The following MDGA2 variants were observed in gnomAD, a reference collection of about 807,000 sequenced individuals.
The protein encoded by MDGA2 is MAM domain containing glycosylphosphatidylinositol anchor 2.
In MDGA2, 40 loss-of-function variants were observed where a neutral mutation model predicts 117.8. That is an observed-to-expected ratio of 0.34 (90% CI 0.26 to 0.44). The LOEUF (loss-of-function observed/expected upper bound fraction) is 0.44. Ranked by LOEUF, MDGA2 falls within the 20% of genes least tolerant of loss-of-function variation. The probability of loss-of-function intolerance (pLI) is 1.00; values close to 1 mark genes in which losing one functional copy is unlikely to be tolerated. For missense variants in MDGA2, 1,123 were observed against 1,250.6 expected, an observed-to-expected ratio of 0.90 and a Z score of 1.54; for synonymous variants, 452 against 439.0, an observed-to-expected ratio of 1.03 and a Z score of -0.37.
intron 8 of MDGA2, among the ~76,000 whole-genome samples, chr14:46,962,490 C>A (rs1425474329): frequency 6.6e-6 from 1 of 152,192 alleles, no homozygotes; most frequent in East Asian, 1.9e-4. Flanking sequence ...AAGATGCCAT[C>A]AGAATTGAAG....
intron 2 of MDGA2, among the ~76,000 whole-genome samples, chr14:47,273,874 C>A (rs114297603): frequency 6.6e-6 from 1 of 151,906 alleles, no homozygotes; most frequent in South Asian, 2.1e-4. Context: ...AATTTGTCTC[C>A]GATCATGAGG....
At chr14:47,034,508 A>C (rs1185339899) in intron 8 of MDGA2, among the ~76,000 whole-genome samples, 1 of 152,156 alleles carries the variant, frequency 6.6e-6, no homozygotes, top group East Asian at 1.9e-4. Context: ...GTATGCAAAT[A>C]TAACATTTCA....
chr14:47,638,091 C>G (rs17118997), intron 1 of MDGA2, among the ~76,000 whole-genome samples: 24,154 of 152,086 alleles, frequency 0.16, 2,004 homozygotes, highest in East Asian at 0.25. Context: ...TTAGATGAGG[C>G]CCCTGACATC....
intron 3 of MDGA2, among the ~76,000 whole-genome samples, chr14:47,155,665 T>C (rs1196040769): frequency 2.8e-5 from 4 of 143,828 alleles, no homozygotes; most frequent in Admixed American, 1.4e-4. Flanking sequence ...CACCGTTCCA[T>C]GGCTGGCTCA....
chr14:47,601,007 C>A (rs1206754740), intron 1 of MDGA2, among the ~76,000 whole-genome samples: 1 of 152,156 alleles, frequency 6.6e-6, no homozygotes, highest in Non-Finnish European at 1.5e-5. Context: ...GTATAGCTAT[C>A]TAGAGTAACA....
Position 47,035,312 on chromosome 14 carries a change from T to A in MDGA2, c.1526-8A>T. The A allele has an allele frequency of 6.3e-7, 1 of 1,599,880 alleles. No individual in the cohort carries two copies. Among genetic ancestry groups the A allele is most frequent in the Non-Finnish European group, 8.5e-7 (1 of 1,173,408 alleles). ...CAGTCAGATTGGGTGGAACTTGAAA[T>A]GGGAAAAAGAAAATTTTTCAAGGTT... is the stretch of plus-strand genomic sequence containing the variant. On this transcript the variant is annotated splice_polypyrimidine_tract_variant and splice_region_variant and intron_variant, in intron 7 of 16. Transcript: ENST00000399232.
At chr14:46,994,689 G>T (rs1887221676) in intron 8 of MDGA2, among the ~76,000 whole-genome samples, 1 of 151,960 alleles carries the variant, frequency 6.6e-6, no homozygotes, top group South Asian at 2.1e-4. Context: ...CACTATAAAT[G>T]GATTTTAATA....
At chr14:47,387,908 A>G (rs1316588056) in intron 1 of MDGA2, among the ~76,000 whole-genome samples, 1 of 152,230 alleles carries the variant, frequency 6.6e-6, no homozygotes, top group Non-Finnish European at 1.5e-5. Flanking sequence ...AGCCTTCGAT[A>G]TAAAGGAAAA....
At chr14:47,386,217 G>A (rs571289498) in intron 1 of MDGA2, among the ~76,000 whole-genome samples, 3 of 152,228 alleles carry the variant, frequency 2.0e-5, no homozygotes, top group African/African-American at 2.4e-5. Flanking sequence ...GGAGGCGGAA[G>A]TTGCAGTGAG....
chr14:46,885,906 TA>T (rs1882654921), intron 10 of MDGA2, among the ~76,000 whole-genome samples: 1 of 152,090 alleles, frequency 6.6e-6, no homozygotes, highest in African/African-American at 2.4e-5. Flanking sequence ...TAACTGATAG[TA>T]ACCAAATGTG....
At chr14:47,147,548 C>A (rs780848015) in intron 3 of MDGA2, among the ~76,000 whole-genome samples, 1 of 152,178 alleles carries the variant, frequency 6.6e-6, no homozygotes, top group South Asian at 2.1e-4. Flanking sequence ...TGCTACTCCT[C>A]GCTAGGAGAC....
At chr14:46,943,953 CT>C (rs910621770) in intron 9 of MDGA2, among the ~76,000 whole-genome samples, 1 of 152,030 alleles carries the variant, frequency 6.6e-6, no homozygotes, top group Non-Finnish European at 1.5e-5. Flanking sequence ...AAACAGTTTG[CT>C]GACCTCAGGC....
At chr14:47,134,660 G>A (rs966075930) in intron 4 of MDGA2, among the ~76,000 whole-genome samples, 4 of 151,542 alleles carry the variant, frequency 2.6e-5, no homozygotes, top group African/African-American at 4.8e-5. Flanking sequence ...CATGGATATA[G>A]ATATTGATGA....
intron 1 of MDGA2, among the ~76,000 whole-genome samples, chr14:47,671,039 T>A (rs1898065256): frequency 6.6e-6 from 1 of 152,168 alleles, no homozygotes; most frequent in Admixed American, 6.5e-5. Flanking sequence ...TATTTTCAAA[T>A]AATTTATATT....
At chr14:47,104,262 C>A (rs1880510820) in intron 5 of MDGA2, among the ~76,000 whole-genome samples, 1 of 151,964 alleles carries the variant, frequency 6.6e-6, no homozygotes, top group African/African-American at 2.4e-5. Flanking sequence ...GCCCAGATGG[C>A]CTGAAGTAAC....
intron 1 of MDGA2, among the ~76,000 whole-genome samples, chr14:47,524,444 T>G (rs1460575914): frequency 6.6e-6 from 1 of 152,170 alleles, no homozygotes; most frequent in Non-Finnish European, 1.5e-5. Context: ...TAATTTAAGA[T>G]AAGAACATTG....
chr14:47,374,509 C>T (rs566158668), intron 1 of MDGA2, among the ~76,000 whole-genome samples: 1 of 152,156 alleles, frequency 6.6e-6, no homozygotes, highest in Non-Finnish European at 1.5e-5. Flanking sequence ...ATTTTCATAT[C>T]TATTTTTATC....
chr14:47,460,496 A>G (rs1177702699), intron 1 of MDGA2, among the ~76,000 whole-genome samples: 1 of 152,118 alleles, frequency 6.6e-6, no homozygotes, highest in Non-Finnish European at 1.5e-5. Context: ...GATGAGACAC[A>G]GAGAAGAGAG....
intron 2 of MDGA2, among the ~76,000 whole-genome samples, chr14:47,257,979 G>A (rs889614925): frequency 6.6e-6 from 1 of 152,010 alleles, no homozygotes; most frequent in African/African-American, 2.4e-5. Flanking sequence ...AAAGTAAAAT[G>A]GTTACATCAC....
Sources: allele counts gnomAD v4.1 joint callset (sites outside exome capture counted in the v4.1 genomes callset), GRCh38; gene constraint gnomAD v4.1.1; transcripts MANE v1.5; gene names NCBI Gene and HGNC (gene_info 2026-07-23, HGNC 2026-07-21).